Variants in SLC43A3 observed in about 807,000 individuals in gnomAD.
The protein encoded by SLC43A3 is equilibrative nucleobase transporter 1.
SLC43A3 carries 33 observed loss-of-function variants against 53.3 expected under a neutral mutation model. That is an observed-to-expected ratio of 0.62 (90% CI 0.47 to 0.83). The LOEUF (loss-of-function observed/expected upper bound fraction) is 0.83. Ranked by LOEUF, SLC43A3 falls within the 40% of genes least tolerant of loss-of-function variation. SLC43A3 has a pLI of 0.00. For synonymous variants in SLC43A3, 236 were observed against 246.2 expected (o/e 0.96, Z 0.39); for missense variants, 530 against 610.0 (o/e 0.87, Z 1.38).
chr11:57,425,489 C>T (rs1248354972), intron 4 of SLC43A3, 52 bp downstream of exon 4: 1 of 1,588,464 alleles, frequency 6.3e-7, no homozygotes, highest in Non-Finnish European at 8.6e-7. Flanking sequence ...TAGGCTGCTG[C>T]CTGAAGGATT....
intron 7 of SLC43A3, among the ~76,000 whole-genome samples, chr11:57,418,812 C>T (rs888856296): frequency 6.6e-6 from 1 of 151,972 alleles, no homozygotes; most frequent in African/African-American, 2.4e-5. Flanking sequence ...ATCGCTTGAA[C>T]CCGGGAGGCG....
intron 7 of SLC43A3, among the ~76,000 whole-genome samples, chr11:57,418,960 G>C (rs969442317): frequency 6.6e-6 from 1 of 151,876 alleles, no homozygotes; most frequent in East Asian, 1.9e-4. Context: ...AACATCAGCA[G>C]AAGAGGCAGG....
rs865833125 is a variant in SLC43A3 at position 57,409,741 on chromosome 11, T to A, written c.1247+194A>T. ...AAACAGAGGGAGAGGGCACCGCAGA[T>A]GTAAAGGCTCAAGTGCATGAATGTT... On this transcript the variant is annotated intron_variant, in intron 12 of 13. Coordinates refer to ENST00000395124, the MANE Select transcript of SLC43A3 (RefSeq NM_199329.3). Among the ~76,000 whole-genome samples the A allele has an allele frequency of 1.2e-4, 19 of 152,214 alleles. 1 individual carries two copies. In the Middle Eastern group the frequency reaches 0.01, roughly 82 times the overall value.
rs548817751 is a variant in SLC43A3, at chr11:57,407,660, T to G, written c.*132A>C. The G allele has an allele frequency of 6.6e-6, 4 of 604,760 alleles. No individual in the cohort carries two copies. Among genetic ancestry groups the G allele is most frequent in the African/African-American group, 3.9e-5 (2 of 50,694 alleles). The allele number at this position is 604,760 out of a possible 1,614,324, so 37.5% of individuals were successfully genotyped here. Reference sequence around the variant, plus strand: ...GCTGCGCAGACGTCCTTGTGTGTCTTTATTTTGTGTGTGTGTGTGTGTGTG... The same window carrying G: ...GCTGCGCAGACGTCCTTGTGTGTCTGTATTTTGTGTGTGTGTGTGTGTGTG... On this transcript the variant is annotated 3_prime_UTR_variant, in exon 14 of 14. Transcript: ENST00000395124.
At chr11:57,426,551 T>A (rs935228824) in intron 2 of SLC43A3, 37 bp downstream of exon 2, 1 of 178,238 alleles carries the variant, frequency 5.6e-6, no homozygotes, top group Non-Finnish European at 1.2e-5. Context: ...CAGGTCTTGA[T>A]GGCCACCTGG....
In SLC43A3 at chr11:57,423,926, C is replaced by G. The variant is rs1467791815; in HGVS notation, c.361+56G>C. The G allele has an allele frequency of 1.4e-5, 21 of 1,547,110 alleles. No homozygotes were observed. In the South Asian group the frequency reaches 1.8e-4, roughly 13 times the overall value. ...CTATAGCCCTCTGCTCACACCTGCC[C>G]CAGCCACCAGGTGCCTCTGAGCTTG... On this transcript the variant is annotated intron_variant, in intron 5 of 13. Coordinates refer to ENST00000395124, the MANE Select transcript of SLC43A3 (RefSeq NM_199329.3).
chr11:57,414,806 A>G, intron 10 of SLC43A3, 75 bp from the exon 11 acceptor site: 2 of 1,517,608 alleles, frequency 1.3e-6, no homozygotes, highest in Non-Finnish European at 1.8e-6. Flanking sequence ...CTCCCACCTT[A>G]CCCTTGTCTG....
chr11:57,409,528 G>A (rs1257982282), intron 12 of SLC43A3, among the ~76,000 whole-genome samples: 1 of 152,222 alleles, frequency 6.6e-6, no homozygotes, highest in Non-Finnish European at 1.5e-5. Context: ...GGACCCTCAT[G>A]CAGGCTGCAC....
At chr11:57,415,424 A>G in intron 9 of SLC43A3, 1 of 1,347,372 alleles carries the variant, frequency 7.4e-7, no homozygotes, top group Non-Finnish European at 9.7e-7. Context: ...GGTGAAAGGA[A>G]CGACAAGGAG....
Position 57,407,718 on chromosome 11 carries a change from G to T in SLC43A3, c.*74C>A. ...TTTGCTGGGATAGGCAAAGTCTTTT[G>T]GGACACGAGGTCCTCAAAGGTGGTG... On this transcript the variant is annotated 3_prime_UTR_variant, in exon 14 of 14. Coordinates refer to ENST00000395124, the MANE Select transcript of SLC43A3 (RefSeq NM_199329.3). 1.2e-6 allele frequency: 1 copy of T among 833,000 alleles called. No homozygotes were observed. The highest frequency in any genetic ancestry group is 1.5e-5 in the South Asian group (1 of 65,690). The allele number at this position is 833,000 out of a possible 1,614,324, so 51.6% of individuals were successfully genotyped here. A position where few individuals can be genotyped will look rare whatever the true frequency, so the allele number is the denominator to read the frequency against.
At chr11:57,415,621 G>A (rs1942683530) in intron 9 of SLC43A3, among the ~76,000 whole-genome samples, 1 of 152,116 alleles carries the variant, frequency 6.6e-6, no homozygotes, top group African/African-American at 2.4e-5. Flanking sequence ...GTTAACCAAT[G>A]AGATGGTTCC....
At chr11:57,408,044 G>A in intron 13 of SLC43A3, 148 bp from the exon 14 acceptor site, 2 of 600,680 alleles carry the variant, frequency 3.3e-6, no homozygotes, top group Non-Finnish European at 6.0e-6. Flanking sequence ...CAGACACTAT[G>A]GTGCCCTGGA....
chr11:57,411,614 G>A (rs879426551), intron 11 of SLC43A3, among the ~76,000 whole-genome samples: 30 of 152,112 alleles, frequency 2.0e-4, no homozygotes, highest in East Asian at 1.7e-3. Context: ...GCAGTGAGCC[G>A]TGATCGTACC....
rs775859389 is a variant in SLC43A3 at position 57,426,090 on chromosome 11, A to T, written c.83T>A (p.Phe28Tyr). ...LECLGFAGVL[F>Y]GWPSLVFVFK... ...GACAAACACTAGTGAAGGCCAGCCA[A>T]AGAGGACGCCAGCAAAGCCCAGGCA... Residue 28 changes from phenylalanine (F) to tyrosine (Y), a missense_variant, in exon 3 of 14, where the codon TTT (phenylalanine) becomes TAT (tyrosine). Phe to Tyr is a conservative substitution (Grantham distance 22, BLOSUM62 3). Transcript: ENST00000395124. 2 of 1,614,260 alleles carry T rather than the reference A, an allele frequency of 1.2e-6. No individual in the cohort carries two copies. The highest frequency in any genetic ancestry group is 2.2e-5 in the South Asian group (2 of 91,088).
intron 7 of SLC43A3, 122 bp downstream of exon 7, chr11:57,420,850 G>A (rs1221056097): frequency 2.9e-6 from 2 of 682,270 alleles, no homozygotes; most frequent in Non-Finnish European, 5.2e-6. Context: ...TGCTTCATCT[G>A]TAAAATGGGG....
chr11:57,410,569 C>A (rs1170410271), intron 11 of SLC43A3, among the ~76,000 whole-genome samples: 4 of 151,604 alleles, frequency 2.6e-5, no homozygotes, highest in Non-Finnish European at 5.9e-5. Context: ...AATGGAGACC[C>A]AGGCAGTGGT....
At chr11:57,424,888 G>A (rs950658029) in intron 4 of SLC43A3, among the ~76,000 whole-genome samples, 2 of 152,308 alleles carry the variant, frequency 1.3e-5, no homozygotes, top group East Asian at 3.9e-4. Flanking sequence ...GCAGGCCGCT[G>A]ATTACCACTG....
intron 9 of SLC43A3, 47 bp from the exon 10 acceptor site, chr11:57,415,153 CA>C (rs1398009849): frequency 6.3e-7 from 1 of 1,586,376 alleles, no homozygotes; most frequent in Non-Finnish European, 8.6e-7. Flanking sequence ...GGAAAGTGGA[CA>C]GGTAGGATGG....
At chr11:57,417,962 G>A (rs1456464640) in intron 7 of SLC43A3, 75 bp from the exon 8 acceptor site, 1 of 1,417,428 alleles carries the variant, frequency 7.1e-7, no homozygotes, top group Non-Finnish European at 9.8e-7. Flanking sequence ...CCAAAGGATG[G>A]AAGCAAACTA....
Sources: gnomAD v4.1 joint callset for allele counts (sites outside exome capture counted in the v4.1 genomes callset) on GRCh38, gnomAD v4.1.1 for gene constraint, MANE v1.5 for transcripts, NCBI Gene and HGNC (gene_info 2026-07-23, HGNC 2026-07-21) for gene names.